Variants in ATF6 observed in about 807,000 individuals in gnomAD.
The protein encoded by ATF6 is activating transcription factor 6.
A neutral mutation model predicts 83.6 loss-of-function variants in ATF6; 53 were observed. The ratio of observed to expected loss-of-function variants is 0.63; its 90% CI spans 0.51 to 0.80. ATF6 has a LOEUF of 0.80. Ranked by LOEUF, ATF6 falls within the 30% of genes least tolerant of loss-of-function variation. The pLI is 0.00. For synonymous variants in ATF6, 288 were observed against 285.8 expected, an observed-to-expected ratio of 1.01 and a Z score of -0.08; for missense variants, 744 against 797.9, an observed-to-expected ratio of 0.93 and a Z score of 0.81.
At chr1:161,934,384 C>G (rs892743400) in intron 15 of ATF6, among the ~76,000 whole-genome samples, 1 of 152,210 alleles carries the variant, frequency 6.6e-6, no homozygotes, top group African/African-American at 2.4e-5. Flanking sequence ...AGTAGGGGCT[C>G]TGCAAGAGGA....
chr1:161,772,533 T>C (rs1373855914), intron 1 of ATF6, among the ~76,000 whole-genome samples: 1 of 152,180 alleles, frequency 6.6e-6, no homozygotes, highest in Non-Finnish European at 1.5e-5. Context: ...TTGCTTTCTC[T>C]TTTGTTGGTG....
intron 3 of ATF6, 124 bp from the exon 4 acceptor site, chr1:161,783,866 A>G (rs529630490): frequency 7.7e-6 from 5 of 648,490 alleles, no homozygotes; most frequent in Admixed American, 2.7e-5. Context: ...CACTCGTTAT[A>G]TTTTGGTGAC....
At chr1:161,811,176 A>G (rs1685445908) in intron 7 of ATF6, among the ~76,000 whole-genome samples, 1 of 152,240 alleles carries the variant, frequency 6.6e-6, no homozygotes. Flanking sequence ...ATATATACGA[A>G]TAGATAATTC....
chr1:161,920,435 C>T (rs1688188865), intron 15 of ATF6, among the ~76,000 whole-genome samples: 1 of 151,522 alleles, frequency 6.6e-6, no homozygotes, highest in Non-Finnish European at 1.5e-5. Flanking sequence ...GCTGGGACTA[C>T]AGGTGCCCGC....
intron 15 of ATF6, among the ~76,000 whole-genome samples, chr1:161,922,730 G>A (rs1688236113): frequency 6.6e-6 from 1 of 151,946 alleles, no homozygotes; most frequent in East Asian, 1.9e-4. Flanking sequence ...CCTGAGGCTG[G>A]AAAGAATGTG....
At chr1:161,910,560 C>T (rs879694309) in intron 14 of ATF6, among the ~76,000 whole-genome samples, 2 of 152,186 alleles carry the variant, frequency 1.3e-5, no homozygotes, top group Non-Finnish European at 2.9e-5. Context: ...TAGCAGGAAA[C>T]TCAGAATTAA....
chr1:161,788,294 G>A (rs541753183), intron 4 of ATF6, among the ~76,000 whole-genome samples: 18 of 152,198 alleles, frequency 1.2e-4, no homozygotes, highest in South Asian at 2.1e-4. Context: ...GTTTTACTTT[G>A]TATTTCTTTG....
intron 15 of ATF6, among the ~76,000 whole-genome samples, chr1:161,956,119 T>G (rs1034212494): frequency 5.3e-5 from 8 of 152,188 alleles, no homozygotes; most frequent in African/African-American, 1.9e-4. Context: ...GCACGTGGGC[T>G]CTAATGACTT....
intron 14 of ATF6, among the ~76,000 whole-genome samples, chr1:161,884,414 T>C (rs1381998748): frequency 2.6e-5 from 4 of 152,140 alleles, no homozygotes; most frequent in Non-Finnish European, 5.9e-5. Context: ...ACTTTAGAGC[T>C]TAAAAGTTTT....
At position 161,958,481 on chromosome 1, in the gene ATF6, A is replaced by T; in HGVS notation, c.1840A>T (p.Met614Leu). Residue 614 changes from methionine to leucine, a missense_variant, in exon 16 of 16, where the codon ATG (methionine) becomes TTG (leucine). By Grantham distance (15) the Met-to-Leu change is conservative. Transcript: ENST00000367942. The stretch of plus-strand genomic sequence containing the variant: ...CAATGGGCAGGACTACGAAGTGATG[A>T]TGCAGATTGACTGTCAGGTGATGGA... ...VINGQDYEVM[M>L]QIDCQVMDTR... is the part of the protein sequence containing the mutation. 1 of 1,612,614 alleles carries T rather than the reference A, an allele frequency of 6.2e-7. No homozygotes were observed. Among genetic ancestry groups the T allele is most frequent in the Non-Finnish European group, 8.5e-7 (1 of 1,179,140 alleles).
At chr1:161,867,904 G>A (rs752246602) in intron 14 of ATF6, among the ~76,000 whole-genome samples, 26 of 152,314 alleles carry the variant, frequency 1.7e-4, no homozygotes, top group Non-Finnish European at 4.4e-5. Flanking sequence ...ATTTGGGTAT[G>A]CACCCCTTAC....
chr1:161,943,559 C>G (rs1408918946), intron 15 of ATF6, among the ~76,000 whole-genome samples: 1 of 152,158 alleles, frequency 6.6e-6, no homozygotes, highest in Non-Finnish European at 1.5e-5. Flanking sequence ...TCCCTTGATT[C>G]TCTCTGCTTC....
At chr1:161,863,762 C>T (rs1481351941) in intron 14 of ATF6, among the ~76,000 whole-genome samples, 1 of 152,134 alleles carries the variant, frequency 6.6e-6, no homozygotes, top group African/African-American at 2.4e-5. Flanking sequence ...ATCTATGTTC[C>T]TAAGAATCTC....
At chr1:161,926,099 C>A (rs186897761) in intron 15 of ATF6, among the ~76,000 whole-genome samples, 1 of 152,086 alleles carries the variant, frequency 6.6e-6, no homozygotes, top group Non-Finnish European at 1.5e-5. Context: ...GAGGCACAAA[C>A]AGAGTTACAT....
chr1:161,947,646 A>C (rs962928501), intron 15 of ATF6, among the ~76,000 whole-genome samples: 1 of 152,264 alleles, frequency 6.6e-6, no homozygotes, highest in African/African-American at 2.4e-5. Context: ...TTCTGAAAAA[A>C]AGAAGCATTT....
chr1:161,801,866 A>G (rs1685156371), intron 6 of ATF6, among the ~76,000 whole-genome samples, 186 bp from the exon 7 acceptor site: 1 of 152,220 alleles, frequency 6.6e-6, no homozygotes, highest in Admixed American at 6.5e-5. Context: ...TTAGTTGGTC[A>G]CATTAAAAAC....
At chr1:161,941,976 CGG>C (rs1187088345) in intron 15 of ATF6, among the ~76,000 whole-genome samples, 1 of 150,302 alleles carries the variant, frequency 6.7e-6, no homozygotes, top group African/African-American at 2.4e-5. Flanking sequence ...TTTTTTTCGG[CGG>C]GGTGGGGGGG....
intron 4 of ATF6, among the ~76,000 whole-genome samples, chr1:161,786,300 T>C (rs1248711603): frequency 1.3e-5 from 2 of 152,198 alleles, no homozygotes; most frequent in African/African-American, 4.8e-5. Context: ...ATTTTTTAAT[T>C]GAATTGTATT....
At chr1:161,928,627 T>A (rs111519760) in intron 15 of ATF6, among the ~76,000 whole-genome samples, 26 of 151,126 alleles carry the variant, frequency 1.7e-4, no homozygotes, top group Non-Finnish European at 2.5e-4. Flanking sequence ...GCCTTTTTTT[T>A]AAAAAAAAAA....
Sources: gnomAD v4.1 joint callset for allele counts (sites outside exome capture counted in the v4.1 genomes callset) on GRCh38, gnomAD v4.1.1 for gene constraint, MANE v1.5 for transcripts, NCBI Gene and HGNC (gene_info 2026-07-23, HGNC 2026-07-21) for gene names.